The following EEA1 variants were observed in gnomAD, a reference collection of about 807,000 sequenced individuals.
EEA1 encodes the protein early endosome antigen 1.
In EEA1, 111 loss-of-function variants were observed where a neutral mutation model predicts 209.2. The ratio of observed to expected loss-of-function variants is 0.53; its 90% CI spans 0.45 to 0.62. The LOEUF (loss-of-function observed/expected upper bound fraction) is 0.62, where lower values mean the gene tolerates loss of function less well. EEA1 is among the 20% of genes least tolerant of loss of function. EEA1 has a pLI of 0.00. For synonymous variants in EEA1, 536 were observed against 540.6 expected, an observed-to-expected ratio of 0.99 and a Z score of 0.12; for missense variants, 1,343 against 1,530.8, an observed-to-expected ratio of 0.88 and a Z score of 2.05.
intron 18 of EEA1, among the ~76,000 whole-genome samples, chr12:92,808,796 A>G (rs1417373709): frequency 1.3e-5 from 2 of 152,206 alleles, no homozygotes; most frequent in Non-Finnish European, 2.9e-5. Context: ...GATGACCCAA[A>G]TTTTATAAAA....
intron 27 of EEA1, among the ~76,000 whole-genome samples, chr12:92,777,191 A>G (rs1436923168): frequency 6.6e-6 from 1 of 151,916 alleles, no homozygotes; most frequent in African/African-American, 2.4e-5. Context: ...CTGATTTCCA[A>G]TCCATTCTAA....
intron 8 of EEA1, 102 bp downstream of exon 8, chr12:92,852,073 T>C: frequency 1.1e-6 from 1 of 932,072 alleles, no homozygotes. Context: ...TTTCCTGATT[T>C]CACTCAAATT....
rs556759602 is a variant in EEA1, at chr12:92,893,803, A to G, written c.25-2082T>C. 2.0e-5 allele frequency among the ~76,000 whole-genome samples: 3 copies of G among 152,018 alleles called. No individual in the cohort carries two copies. In the South Asian group the frequency reaches 6.2e-4, roughly 32 times the overall value. On this transcript the variant is annotated intron_variant, in intron 1 of 28. Coordinates refer to ENST00000322349, the MANE Select transcript of EEA1 (RefSeq NM_003566.4). ...ACTTGAATTGCTTTTATCTTGAAAA[A>G]AATGTTTTATGTTAAAGATAAGCAA...
intron 14 of EEA1, among the ~76,000 whole-genome samples, chr12:92,816,618 T>C (rs1032885191): frequency 6.6e-6 from 1 of 152,242 alleles, no homozygotes; most frequent in Admixed American, 6.5e-5. Flanking sequence ...TTTAAAATTA[T>C]TGAGCTGTAA....
At chr12:92,826,505 C>T (rs1876307728) in intron 12 of EEA1, among the ~76,000 whole-genome samples, 1 of 151,328 alleles carries the variant, frequency 6.6e-6, no homozygotes, top group Non-Finnish European at 1.5e-5. Flanking sequence ...GTCAGGAGTT[C>T]GAAACCAGCC....
chr12:92,869,863 G>A (rs1349335991), intron 2 of EEA1, among the ~76,000 whole-genome samples: 2 of 141,254 alleles, frequency 1.4e-5, no homozygotes, highest in African/African-American at 2.6e-5. Context: ...AAGAAGAAAA[G>A]TTGACCCACA....
At chr12:92,779,775 A>G (rs1243764323) in intron 24 of EEA1, among the ~76,000 whole-genome samples, 5 of 152,152 alleles carry the variant, frequency 3.3e-5, no homozygotes, top group Admixed American at 2.6e-4. Context: ...GCTCTCAAGA[A>G]AGAATCTAAC....
chr12:92,816,476 A>G, intron 14 of EEA1, 76 bp from the exon 15 acceptor site: 1 of 1,379,050 alleles, frequency 7.3e-7, no homozygotes. Flanking sequence ...TTTAAGAACC[A>G]TGAGAATATT....
chr12:92,830,133 C>G (rs1167541351), intron 11 of EEA1, among the ~76,000 whole-genome samples: 1 of 152,018 alleles, frequency 6.6e-6, no homozygotes, highest in Non-Finnish European at 1.5e-5. Flanking sequence ...GAAATCTGCA[C>G]TTTTACCCCC....
intron 15 of EEA1, among the ~76,000 whole-genome samples, chr12:92,815,211 C>CA (rs61538863): frequency 0.019 from 2,822 of 151,870 alleles, 94 homozygotes; most frequent in African/African-American, 0.063. Context: ...ATGATAGTAA[C>CA]AAAAAAATGG....
chr12:92,851,214 T>G lies in EEA1; in HGVS notation c.695A>C (p.Gln232Pro), dbSNP rs1388912909. The G allele has an allele frequency of 6.2e-7, 1 of 1,613,846 alleles. No homozygotes were observed. Among genetic ancestry groups the G allele is most frequent in the African/African-American group, 1.3e-5 (1 of 74,926 alleles). ...CATGTTATCCATTAGTGTTTGAACT[T>G]GGACCAGTTCTTTCTTTAGCACGGC... ...DVAVLKKELV[Q>P]VQTLMDNMTL... The change falls in exon 9 of 29, where the codon CAA becomes CCA. Residue 232 changes from glutamine to proline, a missense_variant. Gln to Pro is a moderately conservative substitution (Grantham distance 76). Coordinates refer to ENST00000322349, the MANE Select transcript of EEA1 (RefSeq NM_003566.4).
chr12:92,801,644 T>C lies in EEA1; in HGVS notation c.2728A>G (p.Lys910Glu), dbSNP rs755264527. 1.3e-6 allele frequency: 2 copies of C among 1,598,826 alleles called. No individual in the cohort carries two copies. Among genetic ancestry groups the C allele is most frequent in the Admixed American group, 1.8e-5 (1 of 57,122 alleles). ...GACTTTTTCAGTTCCTTCTGTTCCT[T>C]AAGTGTGTTTTCCATCTGCACTTGA... Reference protein sequence around the residue: ...QLQVQMENTLKEQKELKKSLE... With the variant: ...QLQVQMENTLEEQKELKKSLE... Residue 910 changes from lysine (K) to glutamate (E), a missense_variant, in exon 20 of 29, where the codon AAG becomes GAG. Physicochemically the swap from Lys to Glu is moderately conservative, Grantham distance 56. Transcript: ENST00000322349.
chr12:92,786,332 T>C (rs757837654), intron 22 of EEA1, among the ~76,000 whole-genome samples: 1 of 152,042 alleles, frequency 6.6e-6, no homozygotes, highest in Non-Finnish European at 1.5e-5. Context: ...CAAAGCTTCC[T>C]TGACTTTCAA....
chr12:92,915,245 T>A (rs1477255815), intron 1 of EEA1, among the ~76,000 whole-genome samples: 1 of 152,124 alleles, frequency 6.6e-6, no homozygotes, highest in Non-Finnish European at 1.5e-5. Flanking sequence ...GGTGAGAGCA[T>A]CACTTGAGCC....
rs1168705227 is a variant in EEA1, at chr12:92,929,250, C to A, written c.-184G>T. 4 of 453,224 alleles carry A rather than the reference C, an allele frequency of 8.8e-6. No homozygotes were observed. The Admixed American group carries it at 1.3e-4, about 15-fold the overall frequency. 28.1% of individuals were successfully genotyped at this position (453,224 alleles called of 1,614,324 possible). A position where few individuals can be genotyped will look rare whatever the true frequency, so the allele number is the denominator to read the frequency against. ...TCCCCACAGGCGGCGAGAGGGAGCACGCGAGAGAGAGCGAGCGAACGACTA... is the reference window on the plus strand; with the variant it reads ...TCCCCACAGGCGGCGAGAGGGAGCAAGCGAGAGAGAGCGAGCGAACGACTA... On this transcript the variant is annotated 5_prime_UTR_variant, in exon 1 of 29. Transcript: ENST00000322349.
At chr12:92,898,180 A>G (rs1307195518) in intron 1 of EEA1, among the ~76,000 whole-genome samples, 2 of 152,256 alleles carry the variant, frequency 1.3e-5, no homozygotes, top group Non-Finnish European at 2.9e-5. Context: ...ACTCTTCTCA[A>G]ACATACTTCC....
chr12:92,919,532 G>C lies in EEA1; in HGVS notation c.24+9511C>G, dbSNP rs1486901006. Among the ~76,000 whole-genome samples, 7 of 149,328 alleles carry C rather than the reference G, an allele frequency of 4.7e-5. No individual in the cohort carries two copies. The East Asian group carries it at 1.4e-3, about 29-fold the overall frequency. On this transcript the variant is annotated intron_variant, in intron 1 of 28. Transcript: ENST00000322349. ...CTCAATAGATGCAGAAAAAGCCTTT[G>C]ACAAAATTCAACAACCCTTCATGCT...
chr12:92,876,261 G>C (rs1878877597), intron 2 of EEA1, among the ~76,000 whole-genome samples: 2 of 151,542 alleles, frequency 1.3e-5, no homozygotes, highest in South Asian at 4.2e-4. Flanking sequence ...ATTTTTTGTA[G>C]AGATGGCATC....
chr12:92,842,477 T>C lies in EEA1; in HGVS notation c.903A>G (p.Thr301=). Reference sequence around the variant, plus strand: ...TTAAAATTCTCACCTGATTTTTTTGTGTTAATTCATTAACTGAACTTTTCA... The same window carrying C: ...TTAAAATTCTCACCTGATTTTTTTGCGTTAATTCATTAACTGAACTTTTCA... The part of the protein sequence containing the change: ...QKLKSSVNEL[T]QKNQTLTENL... Residue 301 remains threonine, a synonymous_variant, in exon 10 of 29, where the codon ACA becomes ACG. Transcript: ENST00000322349. The C allele has an allele frequency of 6.4e-7, 1 of 1,561,686 alleles. No individual in the cohort carries two copies. Among genetic ancestry groups the C allele is most frequent in the Non-Finnish European group, 8.8e-7 (1 of 1,137,386 alleles).
Sources: gnomAD v4.1 joint callset for allele counts (sites outside exome capture counted in the v4.1 genomes callset) on GRCh38, gnomAD v4.1.1 for gene constraint, MANE v1.5 for transcripts, NCBI Gene and HGNC (gene_info 2026-07-23, HGNC 2026-07-21) for gene names.